KCNJ13: variants seen among roughly 807,000 people sequenced by gnomAD.
KCNJ13 encodes inward rectifier potassium channel 13.
Under a neutral mutation model 24.6 loss-of-function variants are expected in KCNJ13, and 9 were observed. The ratio of observed to expected loss-of-function variants is 0.37; its 90% confidence interval spans 0.22 to 0.64. The LOEUF (loss-of-function observed/expected upper bound fraction) is 0.64, where lower values mean the gene tolerates loss of function less well. KCNJ13 is among the 30% of genes least tolerant of loss of function. The pLI, the probability that KCNJ13 is intolerant of heterozygous loss-of-function variation, is 0.64. For missense variants in KCNJ13, 337 were observed against 443.8 expected (o/e 0.76, Z 2.16); for synonymous variants, 148 against 154.7 (o/e 0.96, Z 0.32).
At chr2:232,770,790 A>G (rs777633027) in intron 2 of KCNJ13, 113 bp downstream of exon 2, 15 of 750,074 alleles carry the variant, frequency 2.0e-5, no homozygotes, top group Non-Finnish European at 2.9e-5. Flanking sequence ...CAATATAGAT[A>G]AATTATTCTG....
intron 2 of KCNJ13, among the ~76,000 whole-genome samples, chr2:232,769,430 CTGAGGCAGGAGATTGCAG>C (rs1320288465): frequency 6.9e-6 from 1 of 145,532 alleles, no homozygotes; most frequent in Admixed American, 7.2e-5. Context: ...ACTCAGGAGG[CTGAGGCAGGAGATTGCAG>C]TGAGCCAAGT....
At chr2:232,775,689 C>A (rs1256071749) in intron 1 of KCNJ13, among the ~76,000 whole-genome samples, 1 of 152,138 alleles carries the variant, frequency 6.6e-6, no homozygotes, top group African/African-American at 2.4e-5. Flanking sequence ...ATTCATTCTA[C>A]TCATTGGGTT....
Position 232,776,498 on chromosome 2 carries a change from CAG to C in KCNJ13, c.-72_-71del, listed in dbSNP as rs5839447. The C allele has an allele frequency of 0.067, 94,274 of 1,396,774 alleles. 4,300 individuals carry two copies. Among genetic ancestry groups the C allele is most frequent in the African/African-American group, 0.19 (13,516 of 70,564 alleles). 86.5% of individuals were successfully genotyped at this position (1,396,774 alleles called of 1,614,324 possible). The stretch of plus-strand genomic sequence containing the variant: ...CCAAGGTAGGTCTTAAGGAAATTTA[CAG>C]AGTCTGCCTTTTTGATCAGATAATT... On this transcript the variant is annotated 5_prime_UTR_variant, in exon 1 of 3. Coordinates refer to ENST00000233826, the MANE Select transcript of KCNJ13 (RefSeq NM_002242.4).
In KCNJ13 at chr2:232,766,059, TC is replaced by T. The variant is rs1295388188; in HGVS notation, c.*2131del. 25 of 470,602 alleles carry T rather than the reference TC, an allele frequency of 5.3e-5. No individual in the cohort carries two copies. Among genetic ancestry groups the T allele is most frequent in the Middle Eastern group, 3.2e-4 (1 of 3,098 alleles). The allele number at this position is 470,602 out of a possible 1,614,324, so 29.2% of individuals were successfully genotyped here. On this transcript the variant is annotated 3_prime_UTR_variant, in exon 3 of 3. Coordinates refer to ENST00000233826, the MANE Select transcript of KCNJ13 (RefSeq NM_002242.4). ...TTTCCGCCCTTTTTCCATTGTTACT[TC>T]CTTTTCCTCAGAGGATAATGGTCTT...
chr2:232,773,370 C>T (rs1004559060), intron 1 of KCNJ13, among the ~76,000 whole-genome samples: 5 of 152,090 alleles, frequency 3.3e-5, no homozygotes, highest in East Asian at 1.9e-4. Flanking sequence ...CAGATGAAGT[C>T]ACTGGTGCTC....
rs1463018477 is a variant in KCNJ13 at position 232,767,794 on chromosome 2, A to G, written c.*397T>C. Reference sequence around the variant, plus strand: ...AAGTCGTCATTCCACCCAGGGAGCTAGGTTTGAAACTAAACTGTTGCTTCA... The same window carrying G: ...AAGTCGTCATTCCACCCAGGGAGCTGGGTTTGAAACTAAACTGTTGCTTCA... On this transcript the variant is annotated 3_prime_UTR_variant, in exon 3 of 3. Transcript: ENST00000233826. The G allele has an allele frequency of 4.1e-6, 1 of 244,426 alleles. No homozygotes were observed. The highest frequency in any genetic ancestry group is 8.0e-6 in the Non-Finnish European group (1 of 124,486). 15.1% of individuals were successfully genotyped at this position (244,426 alleles called of 1,614,324 possible). A position where few individuals can be genotyped will look rare whatever the true frequency, so the allele number is the denominator to read the frequency against.
chr2:232,775,578 A>G (rs936080637), intron 1 of KCNJ13, among the ~76,000 whole-genome samples: 1 of 152,164 alleles, frequency 6.6e-6, no homozygotes, highest in Non-Finnish European at 1.5e-5. Flanking sequence ...GTTTGCTTCT[A>G]TTGCTGTGTG....
intron 1 of KCNJ13, among the ~76,000 whole-genome samples, chr2:232,775,321 C>G (rs1255575332): frequency 6.6e-6 from 1 of 151,616 alleles, no homozygotes; most frequent in African/African-American, 2.4e-5. Flanking sequence ...GCCTGGCATC[C>G]TTAGATTAAA....
rs371849984 is a variant in KCNJ13 at position 232,771,168 on chromosome 2, A to C, written c.195T>G (p.Val65=). The change falls in exon 2 of 3, where the codon GTT becomes GTG. Residue 65 remains valine, a synonymous_variant. Transcript: ENST00000233826. The part of the protein sequence containing the change: ...WMMLVFSASF[V]VHWLVFAVLW... ...GCACTGCAAAGACAAGCCAGTGGACAACAAAAGAAGCAGAAAAGACCAACA... is the reference window on the plus strand; with the variant it reads ...GCACTGCAAAGACAAGCCAGTGGACCACAAAAGAAGCAGAAAAGACCAACA... 4 of 1,613,904 alleles carry C rather than the reference A, an allele frequency of 2.5e-6. No individual in the cohort carries two copies. The African/African-American group carries it at 5.3e-5, about 22-fold the overall frequency.
In KCNJ13 at chr2:232,768,231, A is replaced by G. The variant is rs545594184; in HGVS notation, c.1043T>C (p.Ile348Thr). 93 of 1,614,138 alleles carry G rather than the reference A, an allele frequency of 5.8e-5. No individual in the cohort carries two copies. The highest frequency in any genetic ancestry group is 1.1e-4 in the East Asian group (5 of 44,880). ...DLDIHINGQS[I>T]DNFQISETGL... Reference sequence around the variant, plus strand: ...TGTTTCAGAGATCTGAAAATTGTCAATGCTTTGTCCATTGATGTGGATATC... The same window carrying G: ...TGTTTCAGAGATCTGAAAATTGTCAGTGCTTTGTCCATTGATGTGGATATC... Residue 348 changes from isoleucine (I) to threonine (T), a missense_variant, in exon 3 of 3, where the codon ATT (isoleucine) becomes ACT (threonine). By Grantham distance (89) the Ile-to-Thr change is moderately conservative. Around this residue, in one of 3 missense-constraint regions of KCNJ13, gnomAD observed 235 missense variants for 286.9 expected, o/e 0.82. Coordinates refer to ENST00000233826, the MANE Select transcript of KCNJ13 (RefSeq NM_002242.4).
intron 1 of KCNJ13, among the ~76,000 whole-genome samples, chr2:232,771,642 A>G (rs1699250162): frequency 6.6e-6 from 1 of 152,214 alleles, no homozygotes; most frequent in Admixed American, 6.5e-5. Context: ...TTTTCTAAGT[A>G]TATTTTAGAA....
intron 2 of KCNJ13, among the ~76,000 whole-genome samples, chr2:232,769,430 C>A (rs1699131750): frequency 6.9e-6 from 1 of 145,532 alleles, no homozygotes; most frequent in Non-Finnish European, 1.5e-5. Flanking sequence ...ACTCAGGAGG[C>A]TGAGGCAGGA....
intron 1 of KCNJ13, among the ~76,000 whole-genome samples, chr2:232,773,982 C>A: frequency 6.9e-6 from 1 of 145,316 alleles, no homozygotes; most frequent in East Asian, 2.1e-4. Flanking sequence ...TCCCATTTTA[C>A]AGATAACGAA....
rs566257347 is a variant in KCNJ13 at position 232,768,180 on chromosome 2, A to G, written c.*11T>C. The G allele has an allele frequency of 1.2e-5, 20 of 1,613,828 alleles. No homozygotes were observed. In the African/African-American group the frequency reaches 2.3e-4, roughly 18 times the overall value. On this transcript the variant is annotated 3_prime_UTR_variant, in exon 3 of 3. Transcript: ENST00000233826. ...CTGGGTGTATTTAATACATTAAAAA[A>G]TGGATAAGTCTTATTCTGTCAGTCC...
At position 232,766,005 on chromosome 2, in the gene KCNJ13, G is replaced by A. The variant is rs978318637; in HGVS notation, c.*2186C>T. 3 of 470,910 alleles carry A rather than the reference G, an allele frequency of 6.4e-6. No individual in the cohort carries two copies. Among genetic ancestry groups the A allele is most frequent in the African/African-American group, 6.0e-5 (3 of 50,054 alleles). The allele number at this position is 470,910 out of a possible 1,614,324, so 29.2% of individuals were successfully genotyped here. Reference sequence around the variant, plus strand: ...GTTAGTGAGCTGCACATCCAGAAAGGCAGAGCAGCCATTCCTCCCTCCCAG... The same window carrying A: ...GTTAGTGAGCTGCACATCCAGAAAGACAGAGCAGCCATTCCTCCCTCCCAG... On this transcript the variant is annotated 3_prime_UTR_variant, in exon 3 of 3. Transcript: ENST00000233826.
intron 2 of KCNJ13, 105 bp downstream of exon 2, chr2:232,770,798 C>G: frequency 1.3e-6 from 1 of 772,340 alleles, no homozygotes; most frequent in Non-Finnish European, 2.2e-6. Context: ...ATAAATTATT[C>G]TGTAACAGCA....
chr2:232,774,673 T>C (rs957663745), intron 1 of KCNJ13, among the ~76,000 whole-genome samples: 1 of 152,214 alleles, frequency 6.6e-6, no homozygotes, highest in Non-Finnish European at 1.5e-5. Flanking sequence ...CTGTTGTTGC[T>C]TCCTGCCTAT....
chr2:232,770,188 C>T (rs78006198), intron 2 of KCNJ13, among the ~76,000 whole-genome samples: 13,297 of 152,174 alleles, frequency 0.087, 805 homozygotes, highest in South Asian at 0.27. Flanking sequence ...ATTCTTCATA[C>T]GGCCCAATGC....
intron 1 of KCNJ13, among the ~76,000 whole-genome samples, chr2:232,773,866 G>A (rs576730305): frequency 7.1e-6 from 1 of 140,890 alleles, no homozygotes; most frequent in Non-Finnish European, 1.5e-5. Context: ...GAGTCCAGGA[G>A]TTAGAGACCA....
Sources: gnomAD v4.1 joint callset for allele counts (sites outside exome capture counted in the v4.1 genomes callset) on GRCh38, gnomAD v4.1.1 for gene constraint, gnomAD v4.1.1 regional missense constraint, MANE v1.5 for transcripts, NCBI Gene and HGNC (gene_info 2026-07-23, HGNC 2026-07-21) for gene names.